MAPK10: variants seen among roughly 807,000 people sequenced by gnomAD.
MAPK10 encodes the protein JNK3 alpha protein kinase.
In MAPK10, 25 loss-of-function variants were observed where a neutral mutation model predicts 59.3. The ratio of observed to expected loss-of-function variants is 0.42; its 90% CI spans 0.31 to 0.59. The LOEUF (loss-of-function observed/expected upper bound fraction) is 0.59, where lower values mean the gene tolerates loss of function less well. Among genes scored for constraint, MAPK10 ranks in the 20% least tolerant of loss-of-function variants. MAPK10 has a pLI of 0.15. For missense variants in MAPK10, 351 were observed against 568.9 expected (o/e 0.62, Z 3.90); for synonymous variants, 190 against 200.5 (o/e 0.95, Z 0.44).
intron 1 of MAPK10, among the ~76,000 whole-genome samples, chr4:86,458,340 G>A (rs577540696): frequency 6.6e-6 from 1 of 151,366 alleles, no homozygotes; most frequent in Non-Finnish European, 1.5e-5. Context: ...GCACATGCCT[G>A]TAATCCAGCT....
upstream of MAPK10, among the ~76,000 whole-genome samples, chr4:86,361,901 G>C (rs762019229): frequency 6.6e-6 from 1 of 152,126 alleles, no homozygotes; most frequent in Non-Finnish European, 1.5e-5. Flanking sequence ...GGTGGACAGG[G>C]AAAGGGGGGA....
chr4:86,229,004 G>A (rs1175138837), intron 2 of MAPK10, among the ~76,000 whole-genome samples: 3 of 152,256 alleles, frequency 2.0e-5, no homozygotes, highest in Non-Finnish European at 2.9e-5. Context: ...TCGTCTTTCA[G>A]AGAAAGTAAG....
chr4:86,242,423 T>G (rs1009962046), intron 2 of MAPK10, among the ~76,000 whole-genome samples: 1 of 152,194 alleles, frequency 6.6e-6, no homozygotes, highest in African/African-American at 2.4e-5. Flanking sequence ...TTGTCTGGGC[T>G]GCCCAGATTC....
intron 11 of MAPK10, among the ~76,000 whole-genome samples, chr4:86,034,018 A>G (rs1280632367): frequency 6.6e-6 from 1 of 152,208 alleles, no homozygotes; most frequent in Non-Finnish European, 1.5e-5. Context: ...ATCTTATTTA[A>G]TAGGAATTAT....
chr4:86,169,627 T>A (rs1429738853), intron 3 of MAPK10, among the ~76,000 whole-genome samples: 1 of 151,978 alleles, frequency 6.6e-6, no homozygotes, highest in East Asian at 1.9e-4. Context: ...GGAACCAAGT[T>A]GGAAAACACT....
chr4:86,034,008 A>G (rs779376254), intron 11 of MAPK10, among the ~76,000 whole-genome samples: 20 of 152,226 alleles, frequency 1.3e-4, no homozygotes, highest in Non-Finnish European at 2.2e-4. Flanking sequence ...CTCTTTCCCT[A>G]TCTTATTTAA....
At chr4:86,212,289 G>A (rs957188189) in intron 2 of MAPK10, among the ~76,000 whole-genome samples, 2 of 152,054 alleles carry the variant, frequency 1.3e-5, no homozygotes, top group Non-Finnish European at 2.9e-5. Context: ...AGGCTGAGGT[G>A]GGAGGATCTC....
intron 2 of MAPK10, among the ~76,000 whole-genome samples, chr4:86,298,071 G>C (rs2095402704): frequency 6.6e-6 from 1 of 152,024 alleles, no homozygotes; most frequent in African/African-American, 2.4e-5. Context: ...TACCTGATTT[G>C]ACCTGCTGGA....
At chr4:86,234,851 A>G (rs940522483) in intron 2 of MAPK10, among the ~76,000 whole-genome samples, 3 of 152,186 alleles carry the variant, frequency 2.0e-5, no homozygotes, top group African/African-American at 4.8e-5. Context: ...TTCGGGAAAT[A>G]CATCTCTTTG....
At chr4:86,181,287 G>A (rs887144090) in intron 3 of MAPK10, among the ~76,000 whole-genome samples, 6 of 151,990 alleles carry the variant, frequency 3.9e-5, no homozygotes, top group African/African-American at 1.4e-4. Flanking sequence ...GAGTTTTTGT[G>A]TCATAAGAAA....
At chr4:86,259,043 T>C (rs55802491) in intron 2 of MAPK10, among the ~76,000 whole-genome samples, 2 of 152,016 alleles carry the variant, frequency 1.3e-5, no homozygotes, top group Non-Finnish European at 2.9e-5. Flanking sequence ...GTCAGAAGAA[T>C]GGATCTCTTG....
chr4:86,255,416 A>G (rs1226279466), intron 2 of MAPK10, among the ~76,000 whole-genome samples: 1 of 152,168 alleles, frequency 6.6e-6, no homozygotes. Context: ...ATGACATTTT[A>G]AGACAGGACA....
intron 2 of MAPK10, among the ~76,000 whole-genome samples, chr4:86,218,325 C>T (rs994397334): frequency 6.6e-6 from 1 of 151,984 alleles, no homozygotes; most frequent in Non-Finnish European, 1.5e-5. Context: ...GGACTACAGG[C>T]GCCCGCCACC....
intron 1 of MAPK10, among the ~76,000 whole-genome samples, chr4:86,588,438 T>C (rs1403739300): frequency 6.6e-6 from 1 of 152,214 alleles, no homozygotes; most frequent in African/African-American, 2.4e-5. Context: ...TATCTCCATA[T>C]ATATTTATAG....
chr4:86,265,626 G>A (rs1348894447), intron 2 of MAPK10, among the ~76,000 whole-genome samples: 1 of 151,850 alleles, frequency 6.6e-6, no homozygotes, highest in Non-Finnish European at 1.5e-5. Flanking sequence ...TGGCTTTGGT[G>A]AAAGAGAAAG....
chr4:86,147,248 G>C (rs996090766), intron 4 of MAPK10, among the ~76,000 whole-genome samples: 30 of 151,970 alleles, frequency 2.0e-4, no homozygotes, highest in Non-Finnish European at 2.8e-4. Flanking sequence ...CACCATGCCT[G>C]GCTAATTTTT....
chr4:86,067,992 G>A (rs1183022590), intron 9 of MAPK10, 37 bp from the exon 10 acceptor site: 2 of 1,445,464 alleles, frequency 1.4e-6, no homozygotes, highest in African/African-American at 1.4e-5. Context: ...AAGAAGAGCA[G>A]ACCACTAGCC....
At chr4:86,200,267 C>G (rs2082308830) in intron 2 of MAPK10, among the ~76,000 whole-genome samples, 2 of 151,924 alleles carry the variant, frequency 1.3e-5, no homozygotes, top group African/African-American at 2.4e-5. Flanking sequence ...GCATATATCC[C>G]TGAAACACAC....
chr4:86,017,029 C>A lies in MAPK10; in HGVS notation c.*199G>T. 1 of 534,802 alleles carries A rather than the reference C, an allele frequency of 1.9e-6. No homozygotes were observed. The highest frequency in any genetic ancestry group is 3.2e-6 in the Non-Finnish European group (1 of 307,812). 33.1% of individuals were successfully genotyped at this position (534,802 alleles called of 1,614,324 possible). ...CAAGAGCAACTAGAAGTTAAATATA[C>A]ATTTGAGCTTAGCTGCAATACAGAA... On this transcript the variant is annotated 3_prime_UTR_variant, in exon 14 of 14. Transcript: ENST00000641462. This position sits in a 1 kb window ranked among gnomAD's most constrained non-coding sequence, Gnocchi z 4.4.
Sources: gnomAD v4.1 joint callset for allele counts (sites outside exome capture counted in the v4.1 genomes callset) on GRCh38, gnomAD v4.1.1 for gene constraint, Gnocchi (gnomAD v3.1) non-coding constraint, MANE v1.5 for transcripts, NCBI Gene and HGNC (gene_info 2026-07-23, HGNC 2026-07-21) for gene names.